Variants in CPED1 observed in about 807,000 individuals in gnomAD.
CPED1 encodes cadherin-like and PC-esterase domain-containing protein 1.
CPED1 carries 114 observed loss-of-function variants against 128.2 expected under a neutral mutation model. That is an observed-to-expected ratio of 0.89 (90% CI 0.76 to 1.04). The LOEUF (loss-of-function observed/expected upper bound fraction) is 1.04. Among genes scored for constraint, CPED1 ranks in the 50% least tolerant of loss-of-function variants. The pLI is 0.00. For synonymous variants in CPED1, 462 were observed against 426.7 expected (o/e 1.08, Z -1.02); for missense variants, 1,211 against 1,207.1 (o/e 1.00, Z -0.05).
chr7:121,149,809 A>G (rs1357084184), intron 16 of CPED1, among the ~76,000 whole-genome samples: 1 of 152,184 alleles, frequency 6.6e-6, no homozygotes, highest in Non-Finnish European at 1.5e-5. Context: ...CCAATGTGAC[A>G]TTTGAAACTT....
intron 5 of CPED1, among the ~76,000 whole-genome samples, chr7:121,070,356 C>T (rs1012235058): frequency 6.6e-6 from 1 of 151,824 alleles, no homozygotes; most frequent in Admixed American, 6.6e-5. Flanking sequence ...AATCCTGATA[C>T]CCCCTCTCTG....
At chr7:121,223,592 C>CT (rs1380588387) in intron 16 of CPED1, among the ~76,000 whole-genome samples, 2 of 151,696 alleles carry the variant, frequency 1.3e-5, no homozygotes, top group Admixed American at 6.6e-5. Flanking sequence ...AGGTCCTGGA[C>CT]TTTTTTTTGG....
chr7:121,037,653 T>C (rs569386367), intron 3 of CPED1, among the ~76,000 whole-genome samples: 2 of 152,260 alleles, frequency 1.3e-5, no homozygotes, highest in African/African-American at 2.4e-5. Flanking sequence ...GTTAGGATTA[T>C]TTTTTCTAGT....
intron 3 of CPED1, among the ~76,000 whole-genome samples, chr7:121,029,238 T>A (rs1229107321): frequency 6.6e-6 from 1 of 152,142 alleles, no homozygotes; most frequent in African/African-American, 2.4e-5. Context: ...GTTATTGGAA[T>A]AAAGGGTGAG....
chr7:121,130,319 G>A (rs372998875), intron 12 of CPED1, 25 bp downstream of exon 12: 40 of 1,556,006 alleles, frequency 2.6e-5, no homozygotes, highest in Non-Finnish European at 3.2e-5. Context: ...AATTTGAATT[G>A]TACAATCCAA....
Position 121,128,461 on chromosome 7 carries a change from T to C in CPED1, c.1382T>C (p.Leu461Pro), listed in dbSNP as rs1795563748. ...INSIMTFIKELGSLGQFQLLF... is the reference protein window; with the variant it reads ...INSIMTFIKEPGSLGQFQLLF... ...TCAATTATGACTTTCATAAAGGAAC[T>C]TGGAAGTCTGGGACAATTCCAACTG... The change falls in exon 11 of 23, where the codon CTT (leucine) becomes CCT (proline). Residue 461 changes from leucine (L) to proline (P), a missense_variant. Leu to Pro is a moderately conservative substitution (Grantham distance 98, BLOSUM62 -3). Transcript: ENST00000310396. The C allele has an allele frequency of 1.3e-6, 2 of 1,592,704 alleles. No homozygotes were observed. The highest frequency in any genetic ancestry group is 8.6e-7 in the Non-Finnish European group (1 of 1,160,652).
chr7:121,053,662 A>G (rs1031142084), intron 4 of CPED1, among the ~76,000 whole-genome samples: 1 of 152,130 alleles, frequency 6.6e-6, no homozygotes, highest in African/African-American at 2.4e-5. Flanking sequence ...CCAGAGGTGG[A>G]TCTTGCTCCC....
At chr7:121,127,345 G>A (rs1469264501) in intron 10 of CPED1, 88 bp downstream of exon 10, 1 of 793,716 alleles carries the variant, frequency 1.3e-6, no homozygotes, top group East Asian at 2.6e-5. Flanking sequence ...TCAGCAACTT[G>A]ATAATTCACT....
chr7:121,280,994 C>A (rs1792449879), intron 22 of CPED1, among the ~76,000 whole-genome samples: 1 of 152,188 alleles, frequency 6.6e-6, no homozygotes, highest in African/African-American at 2.4e-5. Context: ...CCTGTCTCCT[C>A]TTCAGACCCC....
chr7:121,172,792 T>G (rs1247149725), intron 16 of CPED1, among the ~76,000 whole-genome samples: 1 of 152,148 alleles, frequency 6.6e-6, no homozygotes, highest in Non-Finnish European at 1.5e-5. Context: ...GGGATATAAA[T>G]TAAGGAAACC....
At chr7:121,025,622 C>T (rs1792558539) in intron 3 of CPED1, among the ~76,000 whole-genome samples, 1 of 152,084 alleles carries the variant, frequency 6.6e-6, no homozygotes, top group Non-Finnish European at 1.5e-5. Flanking sequence ...ACCCTTTTCC[C>T]TCTTAACCTC....
intron 11 of CPED1, among the ~76,000 whole-genome samples, chr7:121,129,194 A>G (rs1795584588): frequency 6.6e-6 from 1 of 150,406 alleles, no homozygotes; most frequent in South Asian, 2.1e-4. Flanking sequence ...TTTTTGAAAT[A>G]GCATTCTTAA....
rs1359610145 is a variant in CPED1 at position 121,297,333 on chromosome 7, C to G, written c.*1681C>G. 1 of 152,044 alleles carries G rather than the reference C, an allele frequency of 6.6e-6. No individual in the cohort carries two copies. The highest frequency in any genetic ancestry group is 2.4e-5 in the African/African-American group (1 of 41,408). The allele number at this position is 152,044 out of a possible 1,614,324, so 9.4% of individuals were successfully genotyped here. On this transcript the variant is annotated 3_prime_UTR_variant, in exon 23 of 23. Coordinates refer to ENST00000310396, the MANE Select transcript of CPED1 (RefSeq NM_024913.5). ...TTCATATAATTTTCTTTAGACCTAA[C>G]TGTTACCATCTGACTGAGGTTACTC...
rs180994043 is a variant in CPED1, at chr7:121,050,235, C to T, written c.540+3242C>T. Reference sequence around the variant, plus strand: ...ATTTCTCAGATCTGTTATCTATTCTCTGTACTTACAACCTTTATTCTGCTT... The same window carrying T: ...ATTTCTCAGATCTGTTATCTATTCTTTGTACTTACAACCTTTATTCTGCTT... On this transcript the variant is annotated intron_variant, in intron 4 of 22. Coordinates refer to ENST00000310396, the MANE Select transcript of CPED1 (RefSeq NM_024913.5). Among the ~76,000 whole-genome samples the T allele has an allele frequency of 3.2e-3, 489 of 152,306 alleles. 4 individuals are homozygous for T. Among genetic ancestry groups the T allele is most frequent in the Non-Finnish European group, 4.8e-3 (328 of 68,022 alleles).
intron 2 of CPED1, among the ~76,000 whole-genome samples, chr7:120,999,366 G>C (rs41699): frequency 6.6e-6 from 1 of 151,938 alleles, no homozygotes; most frequent in African/African-American, 2.4e-5. Flanking sequence ...TCTCATTGAA[G>C]TCCTTAGCCT....
At chr7:121,077,627 TAGAA>T (rs1296758026) in intron 5 of CPED1, among the ~76,000 whole-genome samples, 1 of 151,508 alleles carries the variant, frequency 6.6e-6, no homozygotes, top group Non-Finnish European at 1.5e-5. Context: ...TTAAAAATAA[TAGAA>T]AGGAAAGTAG....
intron 3 of CPED1, among the ~76,000 whole-genome samples, chr7:121,038,166 G>A (rs1792951422): frequency 2.6e-5 from 4 of 151,736 alleles, no homozygotes; most frequent in Admixed American, 2.6e-4. Context: ...AGGACTTCCA[G>A]TACTATATTG....
intron 16 of CPED1, among the ~76,000 whole-genome samples, chr7:121,181,319 C>A (rs1465039561): frequency 1.3e-5 from 2 of 151,914 alleles, no homozygotes; most frequent in Non-Finnish European, 2.9e-5. Context: ...GCAGAGGGAA[C>A]AATACAAAAA....
At chr7:121,139,068 T>C (rs1795844826) in intron 14 of CPED1, among the ~76,000 whole-genome samples, 2 of 152,182 alleles carry the variant, frequency 1.3e-5, no homozygotes, top group South Asian at 4.1e-4. Context: ...CTGCCTTCAT[T>C]CTTTTTTCTT....
Sources: gnomAD v4.1 joint callset for allele counts (sites outside exome capture counted in the v4.1 genomes callset) on GRCh38, gnomAD v4.1.1 for gene constraint, MANE v1.5 for transcripts, NCBI Gene and HGNC (gene_info 2026-07-23, HGNC 2026-07-21) for gene names.